PRKAG2: variants seen among roughly 807,000 people sequenced by gnomAD.
PRKAG2 encodes 5'-AMP-activated protein kinase subunit gamma-2.
A neutral mutation model predicts 69.6 loss-of-function variants in PRKAG2; 26 were observed. The observed-to-expected ratio is 0.37, with a 90% CI of 0.27 to 0.52. PRKAG2 has a LOEUF of 0.52. Ranked by LOEUF, PRKAG2 falls within the 20% of genes least tolerant of loss-of-function variation. The probability of loss-of-function intolerance (pLI) is 0.90; values close to 1 mark genes in which losing one functional copy is unlikely to be tolerated. For missense variants in PRKAG2, 557 were observed against 740.0 expected, an observed-to-expected ratio of 0.75 and a Z score of 2.87; for synonymous variants, 293 against 285.0, an observed-to-expected ratio of 1.03 and a Z score of -0.28.
At chr7:151,637,138 G>A (rs889506474) in intron 4 of PRKAG2, among the ~76,000 whole-genome samples, 11 of 152,272 alleles carry the variant, frequency 7.2e-5, no homozygotes, top group African/African-American at 2.2e-4. Flanking sequence ...TTACCACTGC[G>A]GGGAACTAGG....
At chr7:151,613,538 C>T (rs1200804787) in intron 5 of PRKAG2, among the ~76,000 whole-genome samples, 1 of 152,132 alleles carries the variant, frequency 6.6e-6, no homozygotes, top group Non-Finnish European at 1.5e-5. Flanking sequence ...CGTTCTGTCA[C>T]CCAGGCTGGA....
chr7:151,683,816 G>A (rs1019994936), intron 3 of PRKAG2, among the ~76,000 whole-genome samples: 4 of 152,146 alleles, frequency 2.6e-5, no homozygotes, highest in African/African-American at 7.2e-5. Flanking sequence ...GCAGGCAGGC[G>A]GAGACCCTGG....
rs1262177869 is a variant in PRKAG2, at chr7:151,814,602, T to C, written c.115-28061A>G. 1 of 1,231,732 alleles carries C rather than the reference T, an allele frequency of 8.1e-7. No individual in the cohort carries two copies. The highest frequency in any genetic ancestry group is 1.0e-6 in the Non-Finnish European group (1 of 987,978). 76.3% of individuals were successfully genotyped at this position (1,231,732 alleles called of 1,614,324 possible). On this transcript the variant is annotated intron_variant, in intron 1 of 15. Transcript: ENST00000287878. The surrounding 1 kb of genome is among the most constrained non-coding windows in gnomAD (Gnocchi z 4.8). The stretch of plus-strand genomic sequence containing the variant: ...TCCCAGCCCCTTCAGCACAGGCAAT[T>C]TCTAGGGTTCGGCTGTGCTCCGAGC...
intron 4 of PRKAG2, among the ~76,000 whole-genome samples, chr7:151,673,834 T>C (rs994692562): frequency 1.4e-4 from 18 of 132,686 alleles, no homozygotes; most frequent in African/African-American, 4.9e-4. Context: ...ATGTAGCTTG[T>C]GTTCTTTTTT....
chr7:151,732,868 T>C (rs996602095), intron 3 of PRKAG2, among the ~76,000 whole-genome samples: 1 of 152,130 alleles, frequency 6.6e-6, no homozygotes, highest in African/African-American at 2.4e-5. Flanking sequence ...AATTTTTGCA[T>C]TTTTAGTAGA....
In PRKAG2 at chr7:151,756,775, G is replaced by A. The variant is rs1037101976; in HGVS notation, c.466+24377C>T. On this transcript the variant is annotated intron_variant, in intron 3 of 15. Coordinates refer to ENST00000287878, the MANE Select transcript of PRKAG2 (RefSeq NM_016203.4). This position sits in a 1 kb window ranked among gnomAD's most constrained non-coding sequence, Gnocchi z 4.9. ...GTCGCTTCCCAAACTCTAGTCTGGC[G>A]TCTCAGCTCTTTCCTCACCTTTATA... Among the ~76,000 whole-genome samples the A allele has an allele frequency of 1.9e-4, 29 of 152,254 alleles. No homozygotes were observed. Among genetic ancestry groups the A allele is most frequent in the African/African-American group, 5.5e-4 (23 of 41,544 alleles).
chr7:151,794,125 C>T (rs1300818172), intron 1 of PRKAG2, among the ~76,000 whole-genome samples: 5 of 152,176 alleles, frequency 3.3e-5, no homozygotes, highest in Non-Finnish European at 7.4e-5. Context: ...CCCTTCCCCG[C>T]CCCCCAAGGC....
intron 3 of PRKAG2, among the ~76,000 whole-genome samples, chr7:151,682,951 AC>A (rs1009949736): frequency 8.5e-5 from 13 of 152,178 alleles, no homozygotes; most frequent in African/African-American, 2.9e-4. Flanking sequence ...GGCCAAAGTC[AC>A]CCAAGAAGGC....
chr7:151,556,563 C>G lies in PRKAG2; in HGVS notation c.*638G>C, dbSNP rs1163953291. 6.6e-6 allele frequency: 1 copy of G among 152,580 alleles called. No individual in the cohort carries two copies. Among genetic ancestry groups the G allele is most frequent in the Non-Finnish European group, 1.5e-5 (1 of 68,162 alleles). The allele number at this position is 152,580 out of a possible 1,614,324, so 9.5% of individuals were successfully genotyped here. A position where few individuals can be genotyped will look rare whatever the true frequency, so the allele number is the denominator to read the frequency against. On this transcript the variant is annotated 3_prime_UTR_variant, in exon 16 of 16. Coordinates refer to ENST00000287878, the MANE Select transcript of PRKAG2 (RefSeq NM_016203.4). ...ATTCATGGATGTGGTGAAGTTTACTCCACCAAAAGATGTGTAAAAAAATTG... is the reference window on the plus strand; with the variant it reads ...ATTCATGGATGTGGTGAAGTTTACTGCACCAAAAGATGTGTAAAAAAATTG...
intron 1 of PRKAG2, among the ~76,000 whole-genome samples, chr7:151,831,447 T>C (rs1586683884): frequency 6.6e-6 from 1 of 151,940 alleles, no homozygotes. Flanking sequence ...ACCTTAAAAA[T>C]ATTTCGTTAC....
chr7:151,609,373 G>A (rs1035861140), intron 5 of PRKAG2, among the ~76,000 whole-genome samples: 1 of 152,130 alleles, frequency 6.6e-6, no homozygotes, highest in Non-Finnish European at 1.5e-5. Context: ...CTATGAAAAT[G>A]AACAAGACAG....
At chr7:151,787,016 G>A (rs2077043640) in intron 1 of PRKAG2, among the ~76,000 whole-genome samples, 1 of 152,126 alleles carries the variant, frequency 6.6e-6, no homozygotes, top group South Asian at 2.1e-4. Flanking sequence ...TAATGACATC[G>A]TGGCCAAAAC....
chr7:151,703,910 A>AC lies in PRKAG2; in HGVS notation c.467-28274_467-28273insG, dbSNP rs1563476684. ...CACACACACACACACACACACACAC[A>AC]AATTAGCTAGGCATGGTGGCAGGTG... On this transcript the variant is annotated intron_variant, in intron 3 of 15. Coordinates refer to ENST00000287878, the MANE Select transcript of PRKAG2 (RefSeq NM_016203.4). Among the ~76,000 whole-genome samples, 794 of 135,160 alleles carry AC rather than the reference A, an allele frequency of 5.9e-3. 14 individuals carry two copies. Among genetic ancestry groups the AC allele is most frequent in the South Asian group, 0.023 (98 of 4,350 alleles). 88.7% of individuals were successfully genotyped at this position (135,160 alleles called of 152,430 possible).
intron 3 of PRKAG2, among the ~76,000 whole-genome samples, chr7:151,720,604 C>T (rs972593796): frequency 6.5e-5 from 9 of 139,470 alleles, no homozygotes; most frequent in South Asian, 2.4e-4. Flanking sequence ...CTCCAGAGCC[C>T]GTCCAGATGA....
intron 3 of PRKAG2, among the ~76,000 whole-genome samples, chr7:151,729,259 A>G (rs1164717118): frequency 6.6e-6 from 1 of 151,940 alleles, no homozygotes; most frequent in African/African-American, 2.4e-5. Context: ...AAATGCTTCT[A>G]CTCACTGGCT....
In PRKAG2 at chr7:151,597,818, G is replaced by T. The variant is rs1191398590; in HGVS notation, c.755-2364C>A. Among the ~76,000 whole-genome samples the T allele has an allele frequency of 1.9e-4, 18 of 95,258 alleles. No individual in the cohort carries two copies. The Admixed American group carries it at 2.1e-3, about 11-fold the overall frequency. The allele number at this position is 95,258 out of a possible 152,430, so 62.5% of individuals were successfully genotyped here. A position where few individuals can be genotyped will look rare whatever the true frequency, so the allele number is the denominator to read the frequency against. ...TGTTGCTGAGGATGTGGACAAAAGG[G>T]AGCCCCCCCCCCCGCTCTTTTATTG... On this transcript the variant is annotated intron_variant, in intron 5 of 15. Coordinates refer to ENST00000287878, the MANE Select transcript of PRKAG2 (RefSeq NM_016203.4).
At chr7:151,786,349 G>C in intron 2 of PRKAG2, 121 bp downstream of exon 2, 1 of 964,274 alleles carries the variant, frequency 1.0e-6, no homozygotes, top group Admixed American at 2.0e-5. Context: ...ACGGCCAGGT[G>C]TGCAAGCGGA....
chr7:151,823,171 C>G (rs1382978998), intron 1 of PRKAG2, among the ~76,000 whole-genome samples: 1 of 152,004 alleles, frequency 6.6e-6, no homozygotes. Context: ...CCTGGGGACA[C>G]TCTCTATGAA....
chr7:151,845,021 G>C lies in PRKAG2; in HGVS notation c.114+31486C>G, dbSNP rs528261336. 2.0e-5 allele frequency among the ~76,000 whole-genome samples: 3 copies of C among 150,276 alleles called. No individual in the cohort carries two copies. The East Asian group carries it at 5.8e-4, about 29-fold the overall frequency. On this transcript the variant is annotated intron_variant, in intron 1 of 15. Transcript: ENST00000287878. ...AGAGTGTATGCGGAGCTCCAGGGAT[G>C]GCGGCAGGCAGCCTCCGCCCCGCAC...
Sources: gnomAD v4.1 joint callset for allele counts (sites outside exome capture counted in the v4.1 genomes callset) on GRCh38, gnomAD v4.1.1 for gene constraint, Gnocchi (gnomAD v3.1) non-coding constraint, MANE v1.5 for transcripts, NCBI Gene and HGNC (gene_info 2026-07-23, HGNC 2026-07-21) for gene names.